CPS1: variants seen among roughly 807,000 people sequenced by gnomAD.
The protein encoded by CPS1 is carbamoyl-phosphate synthase [ammonia], mitochondrial.
Under a neutral mutation model 174.6 loss-of-function variants are expected in CPS1, and 109 were observed. The observed-to-expected ratio is 0.62, with a 90% CI of 0.53 to 0.73. The LOEUF (loss-of-function observed/expected upper bound fraction) is 0.73, where lower values mean the gene tolerates loss of function less well. Ranked by LOEUF, CPS1 falls within the 30% of genes least tolerant of loss-of-function variation. The probability of loss-of-function intolerance (pLI) is 0.00; values close to 1 mark genes in which losing one functional copy is unlikely to be tolerated. For missense variants in CPS1, 1,689 were observed against 1,821.9 expected (o/e 0.93, Z 1.33); for synonymous variants, 637 against 632.0 (o/e 1.01, Z -0.12).
intron 21 of CPS1, chr2:210,619,870 T>G (rs1574602506): frequency 7.1e-6 from 1 of 139,986 alleles, no homozygotes; most frequent in South Asian, 2.3e-4. Context: ...AGAATTTGAG[T>G]CCCAAATAGA....
intron 1 of CPS1, among the ~76,000 whole-genome samples, chr2:210,564,531 A>T (rs544437545): frequency 1.1e-4 from 17 of 152,200 alleles, no homozygotes; most frequent in African/African-American, 3.4e-4. Context: ...GCCTGCCACC[A>T]CGCCTGGCTA....
rs1467203040 is a variant in CPS1 at position 210,660,546 on chromosome 2, T to A, written c.3818T>A (p.Val1273Asp). 1 of 1,614,154 alleles carries A rather than the reference T, an allele frequency of 6.2e-7. No individual in the cohort carries two copies. The highest frequency in any genetic ancestry group is 1.1e-5 in the South Asian group (1 of 91,086). The stretch of plus-strand genomic sequence containing the variant: ...CCCTTTGTTTCCAAGACTCTTGGGG[T>A]TGACTTCATTGATGTGGCCACCAAG... ...SFPFVSKTLG[V>D]DFIDVATKVM... The change falls in exon 32 of 38, where the codon GTT (valine) becomes GAT (aspartate). Residue 1273 changes from valine to aspartate, a missense_variant. Val to Asp is a radical substitution (Grantham distance 152, BLOSUM62 -3). Coordinates refer to ENST00000233072, the MANE Select transcript of CPS1 (RefSeq NM_001875.5).
chr2:210,646,175 T>C (rs1313798339), intron 25 of CPS1, among the ~76,000 whole-genome samples: 2 of 152,206 alleles, frequency 1.3e-5, no homozygotes, highest in Non-Finnish European at 2.9e-5. Context: ...AAATCCTTCA[T>C]ATAAGAGATT....
intron 4 of CPS1, 72 bp downstream of exon 4, chr2:210,577,582 C>A: frequency 9.4e-7 from 1 of 1,067,712 alleles, no homozygotes; most frequent in Non-Finnish European, 1.5e-6. Context: ...TCAGAAGTGC[C>A]AAGCAGACAG....
Position 210,602,271 on chromosome 2 carries a change from G to C in CPS1, c.1777G>C (p.Gly593Arg), listed in dbSNP as rs1048119191. Residue 593 changes from glycine to arginine, a missense_variant, in exon 16 of 38, where the codon GGT becomes CGT. Transcript: ENST00000233072. ...GATGATCCGTTCCGCCTATGCACTGGGTGGGTTAGGCTCAGGCATCTGTCC... is the reference window on the plus strand; with the variant it reads ...GATGATCCGTTCCGCCTATGCACTGCGTGGGTTAGGCTCAGGCATCTGTCC... ...PVMIRSAYALGGLGSGICPNR... is the reference protein window; with the variant it reads ...PVMIRSAYALRGLGSGICPNR... 1 of 1,612,552 alleles carries C rather than the reference G, an allele frequency of 6.2e-7. No individual in the cohort carries two copies. The highest frequency in any genetic ancestry group is 2.2e-5 in the East Asian group (1 of 44,758).
chr2:210,663,054 A>C, intron 32 of CPS1, 69 bp from the exon 33 acceptor site: 6 of 1,391,414 alleles, frequency 4.3e-6, no homozygotes, highest in Non-Finnish European at 6.1e-6. Flanking sequence ...TAATATATTT[A>C]TCCTCTCTTA....
intron 1 of CPS1, among the ~76,000 whole-genome samples, chr2:210,498,027 C>T (rs984107234): frequency 1.3e-5 from 2 of 150,946 alleles, no homozygotes; most frequent in Admixed American, 1.3e-4. Context: ...ATTAACATTC[C>T]CATCAACAGT....
intron 31 of CPS1, among the ~76,000 whole-genome samples, chr2:210,659,174 T>C (rs555754644): frequency 2.0e-5 from 3 of 152,316 alleles, no homozygotes; most frequent in Non-Finnish European, 4.4e-5. Context: ...AACAGAATAC[T>C]TGAGTCTGGG....
At chr2:210,504,095 T>C (rs1382446572) in intron 1 of CPS1, among the ~76,000 whole-genome samples, 2 of 152,190 alleles carry the variant, frequency 1.3e-5, no homozygotes, top group Non-Finnish European at 2.9e-5. Flanking sequence ...TTCAGGGAGA[T>C]GCTGCGCTTT....
intron 7 of CPS1, 71 bp from the exon 8 acceptor site, chr2:210,590,035 A>T (rs576487727): frequency 4.6e-5 from 73 of 1,593,586 alleles, no homozygotes; most frequent in East Asian, 2.2e-5. Flanking sequence ...AGTCAAGAGA[A>T]AGTCTAGCAA....
intron 9 of CPS1, 59 bp downstream of exon 9, chr2:210,590,965 A>T (rs1698275966): frequency 3.0e-6 from 4 of 1,311,712 alleles, no homozygotes; most frequent in Non-Finnish European, 4.4e-6. Flanking sequence ...ACTAAATACA[A>T]AGAACTCAGA....
intron 1 of CPS1, among the ~76,000 whole-genome samples, chr2:210,506,470 G>A (rs1199094725): frequency 6.6e-6 from 1 of 152,134 alleles, no homozygotes; most frequent in Non-Finnish European, 1.5e-5. Context: ...TCTAAAATCA[G>A]AGCGCCTCTT....
intron 6 of CPS1, among the ~76,000 whole-genome samples, chr2:210,584,794 G>A (rs1237915548): frequency 2.6e-5 from 4 of 152,002 alleles, no homozygotes; most frequent in South Asian, 2.1e-4. Flanking sequence ...GGAGTTTGAC[G>A]GAAAAGCTTT....
At chr2:210,516,644 A>G (rs189700257) in intron 1 of CPS1, among the ~76,000 whole-genome samples, 2 of 152,020 alleles carry the variant, frequency 1.3e-5, no homozygotes, top group Admixed American at 6.6e-5. Flanking sequence ...AATTAAGCAC[A>G]TGATGATTTG....
At chr2:210,494,749 G>T (rs754639347) in intron 1 of CPS1, among the ~76,000 whole-genome samples, 2 of 152,064 alleles carry the variant, frequency 1.3e-5, no homozygotes, top group Non-Finnish European at 2.9e-5. Flanking sequence ...GCTCTGTTTT[G>T]TCTTACACTT....
Position 210,663,105 on chromosome 2 carries a change from T to G in CPS1, c.3928-18T>G, listed in dbSNP as rs1271016324. The stretch of plus-strand genomic sequence containing the variant: ...TCCCTCACATAATTTTTCTCCCTGT[T>G]TTTTTTTTTTCCAACAGGCTCCCAT... On this transcript the variant is annotated intron_variant, in intron 32 of 37. Coordinates refer to ENST00000233072, the MANE Select transcript of CPS1 (RefSeq NM_001875.5). The G allele has an allele frequency of 1.4e-6, 1 of 707,846 alleles. No individual in the cohort carries two copies. Among genetic ancestry groups the G allele is most frequent in the Non-Finnish European group, 1.7e-6 (1 of 576,854 alleles). 43.8% of individuals were successfully genotyped at this position (707,846 alleles called of 1,614,324 possible).
chr2:210,601,573 T>C (rs1698726699), intron 15 of CPS1, among the ~76,000 whole-genome samples: 1 of 152,018 alleles, frequency 6.6e-6, no homozygotes, highest in Non-Finnish European at 1.5e-5. Context: ...GATTTAATTA[T>C]GTCCTTGCTT....
chr2:210,560,694 A>G (rs1308917953), intron 1 of CPS1, among the ~76,000 whole-genome samples: 2 of 152,142 alleles, frequency 1.3e-5, no homozygotes, highest in Non-Finnish European at 2.9e-5. Flanking sequence ...TTGAGGAGCT[A>G]TTGTCATTTG....
chr2:210,571,856 TGTGTGTGTGTGTGTGTGTG>T, intron 1 of CPS1, among the ~76,000 whole-genome samples: 1 of 1,554 alleles, frequency 6.4e-4, no homozygotes, highest in Non-Finnish European at 1.6e-3. Flanking sequence ...TACTAAAGTT[TGTGTGTGTGTGTGTGTGTG>T]TGTGTGTGTG....
Sources: gnomAD v4.1 joint callset for allele counts (sites outside exome capture counted in the v4.1 genomes callset) on GRCh38, gnomAD v4.1.1 for gene constraint, MANE v1.5 for transcripts, NCBI Gene and HGNC (gene_info 2026-07-23, HGNC 2026-07-21) for gene names.